The following SYT14 variants were observed in gnomAD, a reference collection of about 807,000 sequenced individuals.
SYT14 encodes synaptotagmin-14.
In SYT14, 32 loss-of-function variants were observed where a neutral mutation model predicts 74.2. The observed-to-expected ratio is 0.43, with a 90% CI of 0.33 to 0.58. The LOEUF is 0.58. Among genes scored for constraint, SYT14 ranks in the 20% least tolerant of loss-of-function variants. The pLI, the probability that SYT14 is intolerant of heterozygous loss-of-function variation, is 0.05. For missense variants in SYT14, 791 were observed against 981.8 expected, an observed-to-expected ratio of 0.81 and a Z score of 2.60; for synonymous variants, 298 against 337.7, an observed-to-expected ratio of 0.88 and a Z score of 1.29.
At chr1:210,027,271 C>T (rs1288827034) in intron 5 of SYT14, among the ~76,000 whole-genome samples, 1 of 151,920 alleles carries the variant, frequency 6.6e-6, no homozygotes. Context: ...AAAAACTAGC[C>T]GAGCCTAGTG....
chr1:210,014,419 T>TC (rs2080145306), intron 3 of SYT14, among the ~76,000 whole-genome samples: 1 of 150,034 alleles, frequency 6.7e-6, no homozygotes, highest in Non-Finnish European at 1.5e-5. Flanking sequence ...TTGGAGTGTT[T>TC]TTTTTTTTTT....
At chr1:209,989,968 A>G (rs1469572332) in intron 2 of SYT14, among the ~76,000 whole-genome samples, 1 of 152,132 alleles carries the variant, frequency 6.6e-6, no homozygotes, top group Non-Finnish European at 1.5e-5. Context: ...GTTTAAAGCC[A>G]TGTACTTGCA....
chr1:210,056,034 ACT>A (rs531994644), intron 5 of SYT14, among the ~76,000 whole-genome samples: 130 of 152,140 alleles, frequency 8.5e-4, no homozygotes, highest in African/African-American at 2.9e-3. Flanking sequence ...CAGATTTAAA[ACT>A]CTGTAATTAT....
At chr1:209,945,442 G>A (rs191358702) in intron 1 of SYT14, among the ~76,000 whole-genome samples, 11 of 152,256 alleles carry the variant, frequency 7.2e-5, no homozygotes, top group Non-Finnish European at 1.6e-4. Context: ...TAGTGACGAT[G>A]GTCTAAGTGG....
chr1:210,050,760 C>T (rs997200800), intron 5 of SYT14, among the ~76,000 whole-genome samples: 11 of 152,176 alleles, frequency 7.2e-5, no homozygotes, highest in African/African-American at 2.4e-4. Context: ...ACCACCAGAT[C>T]TTGTGAGACT....
intron 2 of SYT14, among the ~76,000 whole-genome samples, chr1:209,988,970 A>G (rs1439015871): frequency 6.6e-6 from 1 of 152,160 alleles, no homozygotes; most frequent in African/African-American, 2.4e-5. Flanking sequence ...TCCCAGGTTT[A>G]TCTCCTCAAC....
At position 209,942,051 on chromosome 1, in the gene SYT14, G is replaced by A. The variant is rs73066419; in HGVS notation, c.-534+3774G>A. 8.7e-3 allele frequency among the ~76,000 whole-genome samples: 1,320 copies of A among 152,228 alleles called. 19 individuals are homozygous for A. Among genetic ancestry groups the A allele is most frequent in the African/African-American group, 0.03 (1,250 of 41,536 alleles). On this transcript the variant is annotated intron_variant, in intron 1 of 9. Transcript: ENST00000637265. ...ATACAACCACTGTAGGCCTAACTACGTTTTCCATGCACGGTTAGTTAAATC... is the reference window on the plus strand; with the variant it reads ...ATACAACCACTGTAGGCCTAACTACATTTTCCATGCACGGTTAGTTAAATC...
intron 5 of SYT14, among the ~76,000 whole-genome samples, chr1:210,092,488 A>T (rs1352247695): frequency 6.6e-6 from 1 of 152,188 alleles, no homozygotes; most frequent in Non-Finnish European, 1.5e-5. Flanking sequence ...TTAGGAGAAA[A>T]AGAGGTTATG....
intron 7 of SYT14, among the ~76,000 whole-genome samples, chr1:210,143,538 A>G (rs1158867239): frequency 6.6e-6 from 1 of 152,106 alleles, no homozygotes; most frequent in Middle Eastern, 3.2e-3. Context: ...ATTTAGCGCT[A>G]TATTCAATAT....
chr1:209,951,563 T>C (rs1033806695), intron 1 of SYT14, among the ~76,000 whole-genome samples: 2 of 152,176 alleles, frequency 1.3e-5, no homozygotes, highest in African/African-American at 4.8e-5. Flanking sequence ...AAGTTAAACA[T>C]GCACTTGCCC....
chr1:210,115,308 G>A lies in SYT14; in HGVS notation c.2034+14847G>A, dbSNP rs1017677594. On this transcript the variant is annotated intron_variant, in intron 7 of 9. Coordinates refer to ENST00000637265, the Ensembl canonical transcript of SYT14. ...AGGGTGGAAGGTTGTCTATAGTGAA[G>A]GATGCAAGCCCAGAGAAAAGAGAGG... Among the ~76,000 whole-genome samples, 23 of 151,152 alleles carry A rather than the reference G, an allele frequency of 1.5e-4. 2 individuals carry two copies. Among genetic ancestry groups the A allele is most frequent in the African/African-American group, 5.4e-4 (22 of 40,488 alleles).
intron 7 of SYT14, among the ~76,000 whole-genome samples, chr1:210,154,592 T>C (rs1020816334): frequency 1.3e-5 from 2 of 152,202 alleles, no homozygotes; most frequent in Non-Finnish European, 2.9e-5. Flanking sequence ...ATCATTGTTA[T>C]TCGTCCCTTT....
chr1:210,083,477 A>G (rs546472949), intron 5 of SYT14, among the ~76,000 whole-genome samples: 3 of 152,164 alleles, frequency 2.0e-5, no homozygotes, highest in Non-Finnish European at 2.9e-5. Flanking sequence ...TAGTGGCACA[A>G]TCATAGCTCA....
intron 5 of SYT14, among the ~76,000 whole-genome samples, chr1:210,053,839 GT>G (rs2081046989): frequency 6.6e-6 from 1 of 151,904 alleles, no homozygotes; most frequent in South Asian, 2.1e-4. Flanking sequence ...AGTCTTTTTT[GT>G]TTGTTTTTTT....
intron 2 of SYT14, among the ~76,000 whole-genome samples, chr1:209,972,967 T>C (rs1409193815): frequency 6.6e-6 from 1 of 152,318 alleles, no homozygotes; most frequent in East Asian, 1.9e-4. Context: ...CTCACTATTA[T>C]TGTGTGTCTA....
At chr1:209,965,224 T>TC (rs894893985) in intron 2 of SYT14, among the ~76,000 whole-genome samples, 11 of 152,132 alleles carry the variant, frequency 7.2e-5, no homozygotes, top group African/African-American at 2.7e-4. Context: ...TCAACCCTTT[T>TC]CCCCCTCCCT....
chr1:210,060,126 GT>G (rs2081181458), intron 5 of SYT14, among the ~76,000 whole-genome samples: 1 of 152,162 alleles, frequency 6.6e-6, no homozygotes, highest in African/African-American at 2.4e-5. Context: ...GAGCCAATGG[GT>G]ATGGTTGTAT....
chr1:210,107,042 C>A (rs143852260), intron 7 of SYT14, among the ~76,000 whole-genome samples: 1 of 152,200 alleles, frequency 6.6e-6, no homozygotes, highest in South Asian at 2.1e-4. Context: ...AAAGGGGCTA[C>A]GGGCCCCATG....
intron 2 of SYT14, among the ~76,000 whole-genome samples, chr1:209,988,454 AT>A (rs2079609077): frequency 6.6e-6 from 1 of 151,722 alleles, no homozygotes; most frequent in Non-Finnish European, 1.5e-5. Flanking sequence ...GGTTTTTTTC[AT>A]TTTGCTTCTT....
Sources: gnomAD v4.1 joint callset for allele counts (sites outside exome capture counted in the v4.1 genomes callset) on GRCh38, gnomAD v4.1.1 for gene constraint, MANE v1.5 for transcripts, NCBI Gene and HGNC (gene_info 2026-07-23, HGNC 2026-07-21) for gene names.